The following GRIK1 variants were observed in gnomAD, a reference collection of about 807,000 sequenced individuals.
The protein encoded by GRIK1 is glutamate ionotropic receptor kainate type subunit 1.
In GRIK1, 69 loss-of-function variants were observed where a neutral mutation model predicts 105.7. That is an observed-to-expected ratio of 0.65 (90% CI 0.54 to 0.80). The LOEUF (loss-of-function observed/expected upper bound fraction) is 0.80, where lower values mean the gene tolerates loss of function less well. GRIK1 is among the 30% of genes least tolerant of loss of function. GRIK1 has a pLI of 0.00. For missense variants in GRIK1, 1,109 were observed against 1,167.3 expected, an observed-to-expected ratio of 0.95 and a Z score of 0.73; for synonymous variants, 438 against 431.3, an observed-to-expected ratio of 1.02 and a Z score of -0.19.
chr21:29,858,264 G>T (rs2068525793), intron 1 of GRIK1, among the ~76,000 whole-genome samples: 1 of 152,120 alleles, frequency 6.6e-6, no homozygotes, highest in South Asian at 2.1e-4. Flanking sequence ...CTCTGAGAAG[G>T]TGACAATGAA....
intron 1 of GRIK1, among the ~76,000 whole-genome samples, chr21:29,697,219 A>G (rs1035989726): frequency 5.9e-5 from 9 of 152,232 alleles, no homozygotes; most frequent in African/African-American, 2.2e-4. Context: ...AGCAAATGAG[A>G]AAATGTAATC....
intron 1 of GRIK1, among the ~76,000 whole-genome samples, chr21:29,789,779 G>A (rs1163189840): frequency 6.6e-6 from 1 of 152,196 alleles, no homozygotes; most frequent in East Asian, 1.9e-4. Flanking sequence ...AAGGCTTTGG[G>A]TTGATTGCTG....
rs1443533724 is a variant in GRIK1, at chr21:29,645,660, AAC to A, written c.955-2693_955-2692del. ...CATTAACTATATTATAGCACTAATA[AAC>A]TACCACTGATTTTCCTCCCCCTTTC... is the stretch of plus-strand genomic sequence containing the variant. On this transcript the variant is annotated intron_variant, in intron 6 of 17. Transcript: ENST00000327783. Among the ~76,000 whole-genome samples, 38 of 152,332 alleles carry A rather than the reference AAC, an allele frequency of 2.5e-4. 2 individuals are homozygous for A. Among genetic ancestry groups the A allele is most frequent in the African/African-American group, 8.4e-4 (35 of 41,580 alleles).
chr21:29,555,043 A>G lies in GRIK1; in HGVS notation c.2607+9T>C, dbSNP rs1568804403. The G allele has an allele frequency of 2.5e-6, 4 of 1,602,650 alleles. No individual in the cohort carries two copies. The highest frequency in any genetic ancestry group is 2.6e-6 in the Non-Finnish European group (3 of 1,170,708). ...ATAAACTAACCAGTCCTAGAAAGAG[A>G]TGACTCACCTGTTCAATATCATTAT... On this transcript the variant is annotated intron_variant, in intron 16 of 17. Transcript: ENST00000327783.
intron 1 of GRIK1, among the ~76,000 whole-genome samples, chr21:29,904,820 C>T (rs1416142301): frequency 1.3e-5 from 2 of 152,172 alleles, no homozygotes; most frequent in African/African-American, 4.8e-5. Flanking sequence ...ATCAACACTT[C>T]TCAGTGGAGT....
intron 15 of GRIK1, among the ~76,000 whole-genome samples, chr21:29,560,524 CTTT>C (rs2090438195): frequency 1.8e-4 from 12 of 67,848 alleles, no homozygotes; most frequent in South Asian, 4.9e-4. Flanking sequence ...TCCTTCCTTT[CTTT>C]CTTTCTTTCT....
intron 1 of GRIK1, among the ~76,000 whole-genome samples, chr21:29,867,890 G>GAGAAAGAGAGAGAAAGAGAGAA (rs1424723242): frequency 1.5e-5 from 2 of 136,564 alleles, no homozygotes; most frequent in African/African-American, 6.0e-5. Context: ...GAGAGAAAGA[G>GAGAAAGAGAGAGAAAGAGAGAA]AGAGAGAGAG....
intron 1 of GRIK1, among the ~76,000 whole-genome samples, chr21:29,701,807 G>A (rs1388740170): frequency 6.6e-6 from 1 of 152,090 alleles, no homozygotes; most frequent in African/African-American, 2.4e-5. Flanking sequence ...AGTGGAATTG[G>A]GATGTGACAA....
chr21:29,903,416 G>T (rs1174228481), intron 1 of GRIK1, among the ~76,000 whole-genome samples: 1 of 151,988 alleles, frequency 6.6e-6, no homozygotes, highest in East Asian at 1.9e-4. Flanking sequence ...AATCTACAAA[G>T]AACTTAAACA....
intron 12 of GRIK1, among the ~76,000 whole-genome samples, chr21:29,584,804 A>T (rs945980992): frequency 1.3e-5 from 2 of 152,218 alleles, no homozygotes; most frequent in African/African-American, 4.8e-5. Context: ...AACTGAGGGT[A>T]CAGAGTGACG....
chr21:29,917,497 C>T (rs1043347351), intron 1 of GRIK1, among the ~76,000 whole-genome samples: 1 of 151,998 alleles, frequency 6.6e-6, no homozygotes, highest in Non-Finnish European at 1.5e-5. Context: ...TAGGAAATGA[C>T]ACAATTTAAT....
chr21:29,917,487 T>C (rs1201260275), intron 1 of GRIK1, among the ~76,000 whole-genome samples: 1 of 152,024 alleles, frequency 6.6e-6, no homozygotes, highest in Non-Finnish European at 1.5e-5. Flanking sequence ...AGAACGATCA[T>C]AGGAAATGAC....
intron 16 of GRIK1, 115 bp from the exon 17 acceptor site, chr21:29,537,999 C>T (rs1299576277): frequency 1.6e-6 from 1 of 623,432 alleles, no homozygotes; most frequent in Non-Finnish European, 2.9e-6. Context: ...TAATGTGGTA[C>T]TGAACTTCAC....
At chr21:29,824,891 G>C (rs2067408035) in intron 1 of GRIK1, among the ~76,000 whole-genome samples, 1 of 152,002 alleles carries the variant, frequency 6.6e-6, no homozygotes, top group African/African-American at 2.4e-5. Context: ...CAAAAACATA[G>C]GATCAGGGAG....
At chr21:29,615,741 C>A (rs970650040) in intron 7 of GRIK1, among the ~76,000 whole-genome samples, 1 of 152,158 alleles carries the variant, frequency 6.6e-6, no homozygotes, top group Admixed American at 6.5e-5. Context: ...ATACTTTAAT[C>A]AGAAATTATT....
intron 1 of GRIK1, among the ~76,000 whole-genome samples, chr21:29,731,108 C>T (rs1448539254): frequency 6.6e-6 from 1 of 152,096 alleles, no homozygotes; most frequent in African/African-American, 2.4e-5. Context: ...AAGGTGGATG[C>T]CTGATGGTTT....
At chr21:29,671,526 G>A (rs140193194) in intron 4 of GRIK1, among the ~76,000 whole-genome samples, 9 of 152,144 alleles carry the variant, frequency 5.9e-5, no homozygotes, top group African/African-American at 1.7e-4. Flanking sequence ...CTGCATGGAG[G>A]TGCTCTGCAA....
intron 1 of GRIK1, among the ~76,000 whole-genome samples, chr21:29,731,227 C>T (rs115369274): frequency 2.2e-4 from 33 of 152,224 alleles, no homozygotes; most frequent in African/African-American, 7.5e-4. Context: ...TGCTTTTCTG[C>T]GAAAACTTTG....
chr21:29,763,920 C>T (rs1211672473), intron 1 of GRIK1: 2 of 152,198 alleles, frequency 1.3e-5, no homozygotes, highest in African/African-American at 4.8e-5. Context: ...AGAGATGTTC[C>T]AAAGCTCATG....
Sources: allele counts gnomAD v4.1 joint callset (sites outside exome capture counted in the v4.1 genomes callset), GRCh38; gene constraint gnomAD v4.1.1; transcripts MANE v1.5; gene names NCBI Gene and HGNC (gene_info 2026-07-23, HGNC 2026-07-21).